Variants in IRAG1 observed in about 807,000 individuals in gnomAD.
IRAG1 encodes the protein IP3R-associated cGMP kinase substrate.
A neutral mutation model predicts 106.2 loss-of-function variants in IRAG1; 62 were observed. The observed-to-expected ratio is 0.58, with a 90% confidence interval of 0.48 to 0.72. The LOEUF (loss-of-function observed/expected upper bound fraction) is 0.72. Among genes scored for constraint, IRAG1 ranks in the 30% least tolerant of loss-of-function variants. The pLI is 0.00. For missense variants in IRAG1, 1,064 were observed against 1,140.7 expected (o/e 0.93, Z 0.97); for synonymous variants, 462 against 443.9 (o/e 1.04, Z -0.51).
At chr11:10,593,371 G>A in intron 17 of IRAG1, 121 bp downstream of exon 17, 1 of 699,826 alleles carries the variant, frequency 1.4e-6, no homozygotes, top group Non-Finnish European at 2.4e-6. Context: ...ATTCTATTCT[G>A]GAAATTTCCT....
chr11:10,663,322 T>C (rs1045593675), intron 1 of IRAG1, among the ~76,000 whole-genome samples: 1 of 152,194 alleles, frequency 6.6e-6, no homozygotes, highest in Non-Finnish European at 1.5e-5. Flanking sequence ...TCCCCTTCCC[T>C]TCCTAGTTTT....
chr11:10,633,317 C>T (rs890222089), intron 3 of IRAG1, among the ~76,000 whole-genome samples: 7 of 152,114 alleles, frequency 4.6e-5, no homozygotes, highest in Admixed American at 1.3e-4. Context: ...CCTCATGATT[C>T]ACCCGCCTTG....
chr11:10,664,910 T>C (rs1859672700), intron 1 of IRAG1, among the ~76,000 whole-genome samples: 2 of 152,218 alleles, frequency 1.3e-5, no homozygotes, highest in East Asian at 1.9e-4. Context: ...CCTGAGGCTA[T>C]CTTCTCAGAT....
chr11:10,601,156 A>G (rs1853954124), intron 14 of IRAG1, 97 bp from the exon 15 acceptor site: 2 of 1,512,924 alleles, frequency 1.3e-6, no homozygotes, highest in Non-Finnish European at 8.9e-7. Flanking sequence ...AGGAGAATCA[A>G]AAGGATACAG....
intron 10 of IRAG1, among the ~76,000 whole-genome samples, chr11:10,622,303 G>GACAGAGGC (rs1855894552): frequency 6.6e-6 from 1 of 152,120 alleles, no homozygotes; most frequent in Non-Finnish European, 1.5e-5. Context: ...ATGCCGCGGG[G>GACAGAGGC]ACAGAGGCAC....
rs1851695664 is a variant in IRAG1, at chr11:10,584,277, T to C, written c.2241-2291A>G. The stretch of plus-strand genomic sequence containing the variant: ...AGTGAGCCTTGTATCTTCTCCTCAT[T>C]CTTGGCATCAGTTTCCCATCTCTTA... On this transcript the variant is annotated intron_variant, in intron 18 of 20. Transcript: ENST00000423302. Among the ~76,000 whole-genome samples the C allele has an allele frequency of 2.6e-5, 4 of 152,160 alleles. No individual in the cohort carries two copies. In the South Asian group the frequency reaches 8.3e-4, roughly 31 times the overall value.
chr11:10,644,855 A>ACC (rs2134806245), intron 2 of IRAG1, among the ~76,000 whole-genome samples: 1 of 152,284 alleles, frequency 6.6e-6, no homozygotes, highest in Admixed American at 6.5e-5. Flanking sequence ...TACAGGCAGA[A>ACC]CCTCTCTGTT....
intron 2 of IRAG1, among the ~76,000 whole-genome samples, chr11:10,643,033 G>C (rs193103612): frequency 1.4e-3 from 210 of 152,196 alleles, no homozygotes; most frequent in African/African-American, 4.7e-3. Flanking sequence ...AAATTAGCCG[G>C]GCATGGTGGC....
rs1365553507 is a variant in IRAG1, at chr11:10,580,516, T to C, written c.2434A>G (p.Ser812Gly). 6.8e-6 allele frequency: 11 copies of C among 1,613,816 alleles called. No homozygotes were observed. Among genetic ancestry groups the C allele is most frequent in the Admixed American group, 1.7e-5 (1 of 60,006 alleles). Reference protein sequence around the residue: ...KEEEEEQKSESPEEPEEVEET... With the variant: ...KEEEEEQKSEGPEEPEEVEET... Reference sequence around the variant, plus strand: ...TCTACCTCTTCAGGTTCCTCAGGACTCTCACTCTTCTGTTCTTCCTCCTCC... The same window carrying C: ...TCTACCTCTTCAGGTTCCTCAGGACCCTCACTCTTCTGTTCTTCCTCCTCC... The change falls in exon 20 of 21, where the codon AGT becomes GGT. Residue 812 changes from serine to glycine, a missense_variant. Transcript: ENST00000423302.
chr11:10,665,561 C>G lies in IRAG1; in HGVS notation c.68-13379G>C, dbSNP rs79392480. On this transcript the variant is annotated intron_variant, in intron 1 of 20. Coordinates refer to ENST00000423302, the MANE Select transcript of IRAG1 (RefSeq NM_130385.4). The surrounding 1 kb of genome is among the most constrained non-coding windows in gnomAD (Gnocchi z 4.2). ...CACCTACCTATCCCTCAGCTCAGAG[C>G]TGGATAGGCTCTCACTCTCAACCCT... Among the ~76,000 whole-genome samples the G allele has an allele frequency of 6.6e-6, 1 of 152,200 alleles. No homozygotes were observed. The highest frequency in any genetic ancestry group is 6.5e-5 in the Admixed American group (1 of 15,286).
In IRAG1 at chr11:10,652,040, C is replaced by A; in HGVS notation, c.210G>T (p.Gln70His). 1 of 1,579,764 alleles carries A rather than the reference C, an allele frequency of 6.3e-7. No individual in the cohort carries two copies. Among genetic ancestry groups the A allele is most frequent in the Non-Finnish European group, 8.6e-7 (1 of 1,164,158 alleles). Reference sequence around the variant, plus strand: ...GGGCACTTACTTGGCCGGCAGGGCTCTGGGCTGCCTGTGGCTCTCCGGGGG... The same window carrying A: ...GGGCACTTACTTGGCCGGCAGGGCTATGGGCTGCCTGTGGCTCTCCGGGGG... ...EEPPGEPQAA[Q>H]SPAGQGPPAA... The change falls in exon 2 of 21, where the codon CAG becomes CAT. Residue 70 changes from glutamine to histidine, a missense_variant. Gln to His is a conservative substitution (Grantham distance 24). Coordinates refer to ENST00000423302, the MANE Select transcript of IRAG1 (RefSeq NM_130385.4).
Position 10,581,952 on chromosome 11 carries a change from A to G in IRAG1, c.2275T>C (p.Ser759Pro), listed in dbSNP as rs1259439408. Residue 759 changes from serine (S) to proline (P), a missense_variant, in exon 19 of 21, where the codon TCT becomes CCT. Transcript: ENST00000423302. ...CAGCTCAGGGTCAGCGCAGGAGCAG[A>G]GGCTTCACAATCTGGGTCCCCATTT... ...KTNGDPDCEA[S>P]APALTLSCLE... 6.2e-7 allele frequency: 1 copy of G among 1,613,814 alleles called. No individual in the cohort carries two copies. Among genetic ancestry groups the G allele is most frequent in the Non-Finnish European group, 8.5e-7 (1 of 1,179,770 alleles).
intron 4 of IRAG1, 39 bp downstream of exon 4, chr11:10,631,952 C>G (rs973835615): frequency 6.3e-7 from 1 of 1,582,920 alleles, no homozygotes; most frequent in African/African-American, 1.3e-5. Flanking sequence ...CCAGACCTGT[C>G]TTTCTACTCA....
chr11:10,693,585 C>G lies in IRAG1; in HGVS notation c.18G>C (p.Gln6His), dbSNP rs887388912. The change falls in exon 1 of 21, where the codon CAG becomes CAC. Residue 6 changes from glutamine to histidine, a missense_variant. Coordinates refer to ENST00000423302, the MANE Select transcript of IRAG1 (RefSeq NM_130385.4). The part of the protein sequence containing the change: MVKAP[Q>H]SEERLARGGK... ...CTCCTCTGGCCAGCCTCTCTTCACT[C>G]TGGGGAGCTTTTACCATTTAAGGTC... is the stretch of plus-strand genomic sequence containing the variant. 63 of 1,535,250 alleles carry G rather than the reference C, an allele frequency of 4.1e-5. No individual in the cohort carries two copies. The highest frequency in any genetic ancestry group is 1.2e-5 in the Non-Finnish European group (14 of 1,146,906).
chr11:10,652,276 G>A (rs562542463), intron 1 of IRAG1, 94 bp from the exon 2 acceptor site: 26 of 1,558,256 alleles, frequency 1.7e-5, no homozygotes, highest in Admixed American at 1.3e-4. Context: ...AGTGAGAGCC[G>A]GCTTGAGTTT....
intron 1 of IRAG1, among the ~76,000 whole-genome samples, chr11:10,664,414 A>G (rs552858152): frequency 1.0e-3 from 154 of 152,350 alleles, no homozygotes; most frequent in Middle Eastern, 6.8e-3. Flanking sequence ...AAGCTACAGC[A>G]GGATTGAGAT....
chr11:10,594,447 C>G (rs761155066), intron 15 of IRAG1, among the ~76,000 whole-genome samples: 9 of 152,132 alleles, frequency 5.9e-5, no homozygotes, highest in Non-Finnish European at 1.3e-4. Flanking sequence ...TCTTGGACCT[C>G]TGATCTTTAT....
intron 15 of IRAG1, among the ~76,000 whole-genome samples, chr11:10,598,334 G>A (rs992450502): frequency 8.5e-5 from 13 of 152,168 alleles, no homozygotes; most frequent in Non-Finnish European, 1.9e-4. Context: ...TTTAGACAAA[G>A]GTTTGCTTTA....
At chr11:10,666,602 A>G (rs980406100) in intron 1 of IRAG1, among the ~76,000 whole-genome samples, 4 of 152,278 alleles carry the variant, frequency 2.6e-5, no homozygotes, top group Non-Finnish European at 5.9e-5. Flanking sequence ...TTCTTTGTTA[A>G]CCTGCAGTTT....
Sources: gnomAD v4.1 joint callset for allele counts (sites outside exome capture counted in the v4.1 genomes callset) on GRCh38, gnomAD v4.1.1 for gene constraint, Gnocchi (gnomAD v3.1) non-coding constraint, MANE v1.5 for transcripts, NCBI Gene and HGNC (gene_info 2026-07-23, HGNC 2026-07-21) for gene names.